Variants in DKK2 observed in about 807,000 individuals in gnomAD.
DKK2 encodes the protein dickkopf Wnt signaling pathway inhibitor 2.
Under a neutral mutation model 28.1 loss-of-function variants are expected in DKK2, and 11 were observed. That is an observed-to-expected ratio of 0.39 (90% confidence interval 0.25 to 0.65). DKK2 has a LOEUF of 0.65. Among genes scored for constraint, DKK2 ranks in the 30% least tolerant of loss-of-function variants. The pLI is 0.47. For missense variants in DKK2, 326 were observed against 335.5 expected (o/e 0.97, Z 0.22); for synonymous variants, 135 against 126.5 (o/e 1.07, Z -0.45).
At chr4:106,989,943 G>A (rs896306173) in intron 1 of DKK2, among the ~76,000 whole-genome samples, 2 of 150,496 alleles carry the variant, frequency 1.3e-5, no homozygotes, top group Non-Finnish European at 2.9e-5. Flanking sequence ...AATATCTTTA[G>A]TTTAACCCAA....
At chr4:107,028,411 T>C (rs10489127) in intron 1 of DKK2, among the ~76,000 whole-genome samples, 1 of 152,002 alleles carries the variant, frequency 6.6e-6, no homozygotes, top group Non-Finnish European at 1.5e-5. Context: ...GGTAATGATG[T>C]CATCAGCAAA....
intron 1 of DKK2, among the ~76,000 whole-genome samples, chr4:106,928,212 T>A (rs1353655028): frequency 6.6e-6 from 1 of 152,150 alleles, no homozygotes. Context: ...TTGAATGGGA[T>A]TACAATAAAA....
chr4:106,965,553 T>C (rs1578360381), intron 1 of DKK2, among the ~76,000 whole-genome samples: 1 of 152,170 alleles, frequency 6.6e-6, no homozygotes, highest in Admixed American at 6.5e-5. Flanking sequence ...TTGGTTATAC[T>C]TGAAACTCAG....
intron 1 of DKK2, among the ~76,000 whole-genome samples, chr4:106,965,016 C>T (rs981933042): frequency 6.9e-6 from 1 of 145,360 alleles, no homozygotes; most frequent in Non-Finnish European, 1.5e-5. Flanking sequence ...TTGATTGATT[C>T]TGATTCTCTG....
intron 1 of DKK2, among the ~76,000 whole-genome samples, chr4:107,020,561 CTT>C (rs1723676238): frequency 6.6e-6 from 1 of 151,880 alleles, no homozygotes; most frequent in Admixed American, 6.6e-5. Flanking sequence ...TAAAAAATAA[CTT>C]TTTAAAATTA....
chr4:106,962,489 CTATGTGTGTG>C (rs1414274780), intron 1 of DKK2, among the ~76,000 whole-genome samples: 15 of 112,992 alleles, frequency 1.3e-4, no homozygotes, highest in African/African-American at 3.7e-4. Context: ...GCCAGAAAAA[CTATGTGTGTG>C]TGTGTGTGTG....
At chr4:107,026,408 C>T (rs976619124) in intron 1 of DKK2, among the ~76,000 whole-genome samples, 2 of 152,002 alleles carry the variant, frequency 1.3e-5, no homozygotes, top group Non-Finnish European at 1.5e-5. Flanking sequence ...TAAATATATA[C>T]TGTTTAAAAT....
At chr4:106,976,690 C>T (rs550266939) in intron 1 of DKK2, among the ~76,000 whole-genome samples, 1 of 152,230 alleles carries the variant, frequency 6.6e-6, no homozygotes, top group African/African-American at 2.4e-5. Context: ...GACTCTTTAT[C>T]CAATTTGCCA....
chr4:106,938,258 T>C (rs576093147), intron 1 of DKK2, among the ~76,000 whole-genome samples: 3 of 151,376 alleles, frequency 2.0e-5, no homozygotes, highest in Non-Finnish European at 4.4e-5. Context: ...AAGAATCAAA[T>C]AGATGCAATA....
intron 1 of DKK2, among the ~76,000 whole-genome samples, chr4:107,009,215 C>T (rs1723481582): frequency 6.6e-6 from 1 of 151,842 alleles, no homozygotes; most frequent in Non-Finnish European, 1.5e-5. Context: ...AAAAAAATCC[C>T]CATTAATTTT....
chr4:106,990,130 A>G (rs1196354181), intron 1 of DKK2, among the ~76,000 whole-genome samples: 1 of 152,194 alleles, frequency 6.6e-6, no homozygotes, highest in Non-Finnish European at 1.5e-5. Flanking sequence ...TTTAATAAAA[A>G]CATATTTTGC....
chr4:106,963,209 T>C (rs1722719000), intron 1 of DKK2, among the ~76,000 whole-genome samples: 1 of 151,216 alleles, frequency 6.6e-6, no homozygotes, highest in Non-Finnish European at 1.5e-5. Context: ...AAAAATTAGC[T>C]GGGCGTGGTG....
chr4:106,984,975 C>T (rs922363416), intron 1 of DKK2, among the ~76,000 whole-genome samples: 2 of 151,894 alleles, frequency 1.3e-5, no homozygotes, highest in Admixed American at 6.5e-5. Flanking sequence ...TCTGGGAGAC[C>T]GAAGCGGGCA....
intron 1 of DKK2, among the ~76,000 whole-genome samples, chr4:107,012,499 T>C (rs773654647): frequency 7.9e-5 from 12 of 151,280 alleles, no homozygotes; most frequent in Non-Finnish European, 1.6e-4. Context: ...TGAATGCTTT[T>C]CTAAAAGAAA....
chr4:106,923,723 A>C lies in DKK2; in HGVS notation c.*231T>G. The C allele has an allele frequency of 1.8e-6, 1 of 546,410 alleles. No homozygotes were observed. 33.8% of individuals were successfully genotyped at this position (546,410 alleles called of 1,614,324 possible). A position where few individuals can be genotyped will look rare whatever the true frequency, so the allele number is the denominator to read the frequency against. On this transcript the variant is annotated 3_prime_UTR_variant, in exon 4 of 4. Coordinates refer to ENST00000285311, the MANE Select transcript of DKK2 (RefSeq NM_014421.3). ...AATAGCATTTTCCACAAATGTGTACATTATTTACATAGACAAGTTGCATAA... is the reference window on the plus strand; with the variant it reads ...AATAGCATTTTCCACAAATGTGTACCTTATTTACATAGACAAGTTGCATAA...
chr4:106,975,828 T>C (rs2110355991), intron 1 of DKK2, among the ~76,000 whole-genome samples: 1 of 152,314 alleles, frequency 6.6e-6, no homozygotes, highest in South Asian at 2.1e-4. Context: ...TTAATTGTAA[T>C]ATTAGGGTGC....
At chr4:106,970,759 G>T (rs1722858026) in intron 1 of DKK2, among the ~76,000 whole-genome samples, 2 of 152,032 alleles carry the variant, frequency 1.3e-5, no homozygotes, top group African/African-American at 4.8e-5. Context: ...CTTTAATCCA[G>T]ATGGTGCAGG....
At chr4:106,966,209 A>G (rs1430440861) in intron 1 of DKK2, among the ~76,000 whole-genome samples, 1 of 152,216 alleles carries the variant, frequency 6.6e-6, no homozygotes. Context: ...ATTTGTGCTC[A>G]TGAGGTGTTT....
intron 1 of DKK2, among the ~76,000 whole-genome samples, chr4:107,023,876 A>G (rs1241781415): frequency 2.6e-5 from 4 of 152,154 alleles, no homozygotes; most frequent in African/African-American, 9.6e-5. Context: ...CCCTTATATT[A>G]TTATATGTAT....
Sources: gnomAD v4.1 joint callset for allele counts (sites outside exome capture counted in the v4.1 genomes callset) on GRCh38, gnomAD v4.1.1 for gene constraint, MANE v1.5 for transcripts, NCBI Gene and HGNC (gene_info 2026-07-23, HGNC 2026-07-21) for gene names.